The following TENM4 variants were observed in gnomAD, a reference collection of about 807,000 sequenced individuals.
TENM4 encodes teneurin-4.
A neutral mutation model predicts 243.3 loss-of-function variants in TENM4; 82 were observed. The ratio of observed to expected loss-of-function variants is 0.34; its 90% CI spans 0.28 to 0.40. The LOEUF (loss-of-function observed/expected upper bound fraction) is 0.40. Among genes scored for constraint, TENM4 ranks in the 10% least tolerant of loss-of-function variants. TENM4 has a pLI of 1.00. For synonymous variants in TENM4, 1,412 were observed against 1,456.3 expected (o/e 0.97, Z 0.69); for missense variants, 3,138 against 3,673.3 (o/e 0.85, Z 3.77).
intron 6 of TENM4, among the ~76,000 whole-genome samples, chr11:78,938,983 C>G (rs1465209415): frequency 1.3e-5 from 2 of 152,206 alleles, no homozygotes; most frequent in Admixed American, 6.5e-5. Flanking sequence ...CCAAATCTCT[C>G]TTCTGGTGGT....
chr11:79,065,758 G>A (rs562504960), intron 5 of TENM4, among the ~76,000 whole-genome samples: 2 of 152,330 alleles, frequency 1.3e-5, no homozygotes, highest in East Asian at 3.9e-4. Context: ...TTGAGGGCTT[G>A]GGCAGGCCTG....
intron 6 of TENM4, among the ~76,000 whole-genome samples, chr11:79,036,175 A>G (rs75748055): frequency 0.017 from 2,523 of 152,336 alleles, 61 homozygotes; most frequent in African/African-American, 0.057. Context: ...GAGATTCTGC[A>G]TTTCTCATCA....
intron 2 of TENM4, among the ~76,000 whole-genome samples, chr11:79,294,466 C>T (rs1856411889): frequency 6.6e-6 from 1 of 152,154 alleles, no homozygotes; most frequent in South Asian, 2.1e-4. Context: ...CTCCACTAGC[C>T]CTTGAATAAG....
At chr11:79,223,332 A>T (rs1864200691) in intron 2 of TENM4, among the ~76,000 whole-genome samples, 2 of 152,076 alleles carry the variant, frequency 1.3e-5, no homozygotes, top group Admixed American at 6.5e-5. Flanking sequence ...AATTTTATCA[A>T]TTTTCTGAAA....
chr11:78,734,670 G>A, intron 20 of TENM4, among the ~76,000 whole-genome samples: 1 of 151,944 alleles, frequency 6.6e-6, no homozygotes, highest in Non-Finnish European at 1.5e-5. Flanking sequence ...AAACTGTATA[G>A]CTCAAACTTC....
intron 18 of TENM4, among the ~76,000 whole-genome samples, chr11:78,758,689 C>T (rs1856366742): frequency 6.6e-6 from 1 of 152,170 alleles, no homozygotes; most frequent in Non-Finnish European, 1.5e-5. Flanking sequence ...TGTCCTAAAA[C>T]CTAGTTTTTT....
chr11:79,440,995 C>CAT lies in TENM4; in HGVS notation c.-808_-807insAT, dbSNP rs1415644073. On this transcript the variant is annotated 5_prime_UTR_variant, in exon 1 of 34. In the 5' UTR this introduces an upstream ATG that the reference lacks. Coordinates refer to ENST00000278550, the MANE Select transcript of TENM4 (RefSeq NM_001098816.3). This position sits in a 1 kb window ranked among gnomAD's most constrained non-coding sequence, Gnocchi z 4.7. ...AGAGGGCGAGCGAGAGAGAGACACA[C>CAT]ACACACACGCACACGCACACGCAGG... is the stretch of plus-strand genomic sequence containing the variant. 84 of 153,188 alleles carry CAT rather than the reference C, an allele frequency of 5.5e-4. No individual in the cohort carries two copies. The highest frequency in any genetic ancestry group is 2.0e-3 in the African/African-American group (82 of 41,534). 9.5% of individuals were successfully genotyped at this position (153,188 alleles called of 1,614,324 possible). A position where few individuals can be genotyped will look rare whatever the true frequency, so the allele number is the denominator to read the frequency against.
At chr11:78,777,122 T>C (rs1049599578) in intron 17 of TENM4, among the ~76,000 whole-genome samples, 6 of 152,136 alleles carry the variant, frequency 3.9e-5, no homozygotes, top group Non-Finnish European at 8.8e-5. Context: ...AAATTTTCCA[T>C]CAAATAGATG....
At chr11:78,979,556 T>A (rs1403113785) in intron 6 of TENM4, among the ~76,000 whole-genome samples, 2 of 152,190 alleles carry the variant, frequency 1.3e-5, no homozygotes, top group Non-Finnish European at 2.9e-5. Context: ...GTGTTGTACA[T>A]GCACATATGT....
At chr11:78,851,942 G>A (rs1480321293) in intron 12 of TENM4, among the ~76,000 whole-genome samples, 1 of 152,200 alleles carries the variant, frequency 6.6e-6, no homozygotes, top group Non-Finnish European at 1.5e-5. Context: ...GACTGAAAAT[G>A]GAGCACAATC....
chr11:79,341,353 C>A (rs538164091), intron 1 of TENM4, among the ~76,000 whole-genome samples: 1 of 152,298 alleles, frequency 6.6e-6, no homozygotes, highest in South Asian at 2.1e-4. Flanking sequence ...CTCCTCATGA[C>A]CAGCACTTAT....
intron 3 of TENM4, among the ~76,000 whole-genome samples, chr11:79,154,312 T>G (rs983619819): frequency 1.3e-5 from 2 of 151,862 alleles, no homozygotes; most frequent in Non-Finnish European, 2.9e-5. Context: ...GGAGGTGCCA[T>G]GTTCTTCTAA....
intron 6 of TENM4, among the ~76,000 whole-genome samples, chr11:78,994,310 T>C (rs1389621053): frequency 6.6e-6 from 1 of 152,148 alleles, no homozygotes; most frequent in Non-Finnish European, 1.5e-5. Context: ...AAGTTTTTCC[T>C]TGCATATGTG....
At chr11:79,239,360 T>C (rs1400639711) in intron 2 of TENM4, among the ~76,000 whole-genome samples, 1 of 152,226 alleles carries the variant, frequency 6.6e-6, no homozygotes, top group Non-Finnish European at 1.5e-5. Flanking sequence ...TTTGCTGCTG[T>C]ATATTCTGAG....
chr11:79,091,381 G>A (rs972540849), intron 4 of TENM4, among the ~76,000 whole-genome samples: 2 of 152,082 alleles, frequency 1.3e-5, no homozygotes, highest in Admixed American at 6.5e-5. Flanking sequence ...TCTGTTATGA[G>A]CCAGACACCA....
intron 1 of TENM4, among the ~76,000 whole-genome samples, chr11:79,344,130 G>A (rs1240594548): frequency 6.6e-6 from 1 of 152,156 alleles, no homozygotes; most frequent in African/African-American, 2.4e-5. Context: ...ACAGTGCCTG[G>A]TACACAGTAG....
chr11:78,840,930 A>G (rs1033527446), intron 12 of TENM4, among the ~76,000 whole-genome samples: 1 of 152,168 alleles, frequency 6.6e-6, no homozygotes, highest in African/African-American at 2.4e-5. Flanking sequence ...TCATCTCTAT[A>G]AAGAAAATAA....
chr11:79,303,083 A>G (rs1856575053), intron 1 of TENM4, among the ~76,000 whole-genome samples: 1 of 152,218 alleles, frequency 6.6e-6, no homozygotes, highest in African/African-American at 2.4e-5. Context: ...TGGGAAGACA[A>G]GACCAATAGG....
intron 1 of TENM4, among the ~76,000 whole-genome samples, chr11:79,354,799 TAACA>T (rs1358612535): frequency 1.3e-5 from 2 of 150,640 alleles, no homozygotes; most frequent in African/African-American, 4.9e-5. Flanking sequence ...CCCAAAACAA[TAACA>T]AACAAACAAA....
Sources: gnomAD v4.1 joint callset for allele counts (sites outside exome capture counted in the v4.1 genomes callset) on GRCh38, gnomAD v4.1.1 for gene constraint, Gnocchi (gnomAD v3.1) non-coding constraint, MANE v1.5 for transcripts, NCBI Gene and HGNC (gene_info 2026-07-23, HGNC 2026-07-21) for gene names.